LSAMP: variants seen among roughly 807,000 people sequenced by gnomAD.
The protein encoded by LSAMP is limbic system associated membrane protein, also known as limbic system-associated membrane protein.
Under a neutral mutation model 38.6 loss-of-function variants are expected in LSAMP, and 7 were observed. The ratio of observed to expected loss-of-function variants is 0.18; its 90% CI spans 0.10 to 0.34. LSAMP has a LOEUF of 0.34. Ranked by LOEUF, LSAMP falls within the 10% of genes least tolerant of loss-of-function variation. LSAMP has a pLI of 1.00. For missense variants in LSAMP, 313 were observed against 420.0 expected, an observed-to-expected ratio of 0.75 and a Z score of 2.23; for synonymous variants, 154 against 166.8, an observed-to-expected ratio of 0.92 and a Z score of 0.59.
At position 115,802,611 on chromosome 3, in the gene LSAMP, ATGAAAAACCT is replaced by A. The variant is rs1184480786; in HGVS notation, c.*7696_*7705del. On this transcript the variant is annotated 3_prime_UTR_variant, in exon 7 of 7. Transcript: ENST00000490035. ...AAAAAAATCCACCTAATAAACAAAA[ATGAAAAACCT>A]TGAAAAACAAAAAATCCCAAACAAA... 2 of 151,910 alleles carry A rather than the reference ATGAAAAACCT, an allele frequency of 1.3e-5. No individual in the cohort carries two copies. The highest frequency in any genetic ancestry group is 2.9e-5 in the Non-Finnish European group (2 of 68,006). The allele number at this position is 151,910 out of a possible 1,614,324, so 9.4% of individuals were successfully genotyped here. A position where few individuals can be genotyped will look rare whatever the true frequency, so the allele number is the denominator to read the frequency against.
At chr3:115,995,711 A>G (rs1939796516) in intron 3 of LSAMP, among the ~76,000 whole-genome samples, 1 of 152,106 alleles carries the variant, frequency 6.6e-6, no homozygotes, top group Non-Finnish European at 1.5e-5. Flanking sequence ...TTTACATGTT[A>G]GTAATAGGAC....
chr3:116,277,598 C>T (rs759569247), intron 1 of LSAMP, among the ~76,000 whole-genome samples: 4 of 152,062 alleles, frequency 2.6e-5, no homozygotes, highest in Non-Finnish European at 4.4e-5. Flanking sequence ...GTCTGGATCT[C>T]CTGACCTCCT....
intron 1 of LSAMP, among the ~76,000 whole-genome samples, chr3:116,392,703 G>A (rs1291945995): frequency 6.6e-6 from 1 of 152,204 alleles, no homozygotes; most frequent in Non-Finnish European, 1.5e-5. Flanking sequence ...TGGACCAGAG[G>A]GGAAACTTGT....
intron 3 of LSAMP, among the ~76,000 whole-genome samples, chr3:115,862,357 G>A (rs1310846235): frequency 6.6e-6 from 1 of 152,192 alleles, no homozygotes; most frequent in Non-Finnish European, 1.5e-5. Flanking sequence ...GCTAGGCAGA[G>A]TTTTGAAGCT....
intron 4 of LSAMP, among the ~76,000 whole-genome samples, chr3:115,849,005 C>G (rs1935246908): frequency 1.3e-5 from 2 of 152,184 alleles, no homozygotes; most frequent in African/African-American, 4.8e-5. Flanking sequence ...AAAGTAGTTA[C>G]ATTTAATGCA....
At chr3:116,041,550 T>C (rs1339189780) in intron 2 of LSAMP, among the ~76,000 whole-genome samples, 1 of 151,540 alleles carries the variant, frequency 6.6e-6, no homozygotes, top group Non-Finnish European at 1.5e-5. Flanking sequence ...CTTGTTCCTG[T>C]ATTGGACAAA....
chr3:116,169,577 G>A (rs72961529), intron 1 of LSAMP, among the ~76,000 whole-genome samples: 3,144 of 152,222 alleles, frequency 0.021, 108 homozygotes, highest in African/African-American at 0.07. Flanking sequence ...AAGGTCCAAA[G>A]CCCAGCAATG....
In LSAMP at chr3:115,810,728, C is replaced by T. The variant is rs541333824; in HGVS notation, c.920-314G>A. On this transcript the variant is annotated intron_variant, in intron 6 of 6. Coordinates refer to ENST00000490035, the MANE Select transcript of LSAMP (RefSeq NM_002338.5). ...CAGGCTCCTGTTCACCCAGCCTCCT[C>T]CTGTTGGCCCTGCCCGAAGTAACTC... 2.0e-5 allele frequency among the ~76,000 whole-genome samples: 3 copies of T among 152,326 alleles called. No individual in the cohort carries two copies. In the South Asian group the frequency reaches 6.2e-4, roughly 32 times the overall value.
intron 6 of LSAMP, among the ~76,000 whole-genome samples, chr3:115,840,103 A>T (rs1037167771): frequency 6.6e-6 from 1 of 152,050 alleles, no homozygotes; most frequent in Non-Finnish European, 1.5e-5. Context: ...GCTATAGATG[A>T]TATTTTATTT....
At chr3:116,270,977 C>CAGAT (rs1453913935) in intron 1 of LSAMP, among the ~76,000 whole-genome samples, 4 of 151,516 alleles carry the variant, frequency 2.6e-5, no homozygotes, top group South Asian at 2.1e-4. Context: ...GGGATTGGAA[C>CAGAT]AGATAGAGTA....
intron 1 of LSAMP, among the ~76,000 whole-genome samples, chr3:116,104,136 G>C (rs1708410311): frequency 6.6e-6 from 1 of 152,204 alleles, no homozygotes; most frequent in Non-Finnish European, 1.5e-5. Flanking sequence ...AACTCAGTAT[G>C]AACACTGGCC....
intron 3 of LSAMP, among the ~76,000 whole-genome samples, chr3:115,965,436 T>A (rs993057795): frequency 2.0e-5 from 3 of 151,860 alleles, no homozygotes; most frequent in South Asian, 4.1e-4. Context: ...CATAGGAATA[T>A]CTTATAACCA....
chr3:115,930,188 C>G (rs1257773169), intron 3 of LSAMP, among the ~76,000 whole-genome samples: 1 of 151,906 alleles, frequency 6.6e-6, no homozygotes, highest in Non-Finnish European at 1.5e-5. Flanking sequence ...ATGGTATGCT[C>G]TTCTCAGCAC....
intron 3 of LSAMP, among the ~76,000 whole-genome samples, chr3:116,018,957 T>C (rs1463128855): frequency 6.6e-6 from 1 of 152,160 alleles, no homozygotes. Context: ...GAAACAATTC[T>C]GTATTTTCTT....
chr3:116,239,365 C>T (rs1004861730), intron 1 of LSAMP, among the ~76,000 whole-genome samples: 1 of 151,666 alleles, frequency 6.6e-6, no homozygotes, highest in Admixed American at 6.6e-5. Flanking sequence ...AATTTCAGTT[C>T]CAAAAATCCT....
intron 1 of LSAMP, among the ~76,000 whole-genome samples, chr3:116,302,295 T>G (rs905018454): frequency 1.3e-5 from 2 of 152,220 alleles, no homozygotes; most frequent in African/African-American, 4.8e-5. Flanking sequence ...ACTAACTTTT[T>G]TCCCCCATGA....
intron 1 of LSAMP, among the ~76,000 whole-genome samples, chr3:116,244,671 ATTTG>A (rs886223231): frequency 6.6e-5 from 10 of 152,148 alleles, no homozygotes; most frequent in Non-Finnish European, 1.5e-4. Flanking sequence ...AGTGTTATTT[ATTTG>A]TTTATGTATG....
intron 3 of LSAMP, among the ~76,000 whole-genome samples, chr3:116,010,119 G>T (rs1940283675): frequency 1.3e-5 from 2 of 152,124 alleles, no homozygotes; most frequent in Admixed American, 6.5e-5. Context: ...GTTTCACCAT[G>T]TTGGCCAGCC....
chr3:116,239,832 TA>T (rs2046509742), intron 1 of LSAMP, among the ~76,000 whole-genome samples: 1 of 152,158 alleles, frequency 6.6e-6, no homozygotes, highest in Admixed American at 6.5e-5. Context: ...CTACCACTAA[TA>T]GGGGGTAGAT....
Sources: gnomAD v4.1 joint callset for allele counts (sites outside exome capture counted in the v4.1 genomes callset) on GRCh38, gnomAD v4.1.1 for gene constraint, MANE v1.5 for transcripts, NCBI Gene and HGNC (gene_info 2026-07-23, HGNC 2026-07-21) for gene names.